The following SERPINA5 variants were observed in gnomAD, a reference collection of about 807,000 sequenced individuals.
SERPINA5 encodes serpin family A member 5, also known as plasma serine protease inhibitor.
Under a neutral mutation model 25.3 loss-of-function variants are expected in SERPINA5, and 25 were observed. The ratio of observed to expected loss-of-function variants is 0.99; its 90% CI spans 0.72 to 1.38. The LOEUF (loss-of-function observed/expected upper bound fraction) is 1.38. SERPINA5 is among the 40% of genes most tolerant of loss of function. The pLI is 0.00. For missense variants in SERPINA5, 599 were observed against 509.5 expected (o/e 1.18, Z -1.69); for synonymous variants, 234 against 206.2 (o/e 1.14, Z -1.16).
At chr14:94,590,410 C>T in intron 4 of SERPINA5, 99 bp downstream of exon 4, 2 of 1,420,820 alleles carry the variant, frequency 1.4e-6, no homozygotes, top group Middle Eastern at 2.6e-4. Flanking sequence ...GAAGGACTCA[C>T]CCAGCCAAGG....
chr14:94,590,144 G>A lies in SERPINA5; in HGVS notation c.723G>A (p.Gln241=), dbSNP rs374829634. ...TACCCATGATGAGCCGCGAGGATCA[G>A]TATCACTACCTCCTGGACCGGAACC... ...VRVPMMSRED[Q]YHYLLDRNLS... is the part of the protein sequence containing the mutation. Residue 241 remains glutamine, a synonymous_variant, in exon 4 of 6, where the codon CAG becomes CAA. Transcript: ENST00000329597. The A allele has an allele frequency of 1.2e-6, 2 of 1,614,076 alleles. No homozygotes were observed. The highest frequency in any genetic ancestry group is 3.3e-5 in the Admixed American group (2 of 60,006).
chr14:94,590,610 C>A (rs552463532), intron 4 of SERPINA5, 139 bp from the exon 5 acceptor site: 3 of 1,018,896 alleles, frequency 2.9e-6, no homozygotes, highest in East Asian at 2.6e-5. Flanking sequence ...GGAGCCATAA[C>A]CACCATTGTT....
Position 94,587,493 on chromosome 14 carries a change from G to A in SERPINA5, c.131G>A (p.Ser44Asn), listed in dbSNP as rs1188548898. Residue 44 changes from serine to asparagine, a missense_variant, in exon 3 of 6, where the codon AGC becomes AAC. Physicochemically the swap from Ser to Asn is conservative, Grantham distance 46. Transcript: ENST00000329597. ...LHVGATVAPS[S>N]RRDFTFDLYR... ...GTAGGTGCCACGGTGGCCCCCAGCA[G>A]CAGAAGGGACTTTACCTTTGACCTC... 1.9e-6 allele frequency: 3 copies of A among 1,614,016 alleles called. No homozygotes were observed. Among genetic ancestry groups the A allele is most frequent in the Non-Finnish European group, 2.5e-6 (3 of 1,179,996 alleles).
At chr14:94,583,746 G>A (rs991166097) in intron 2 of SERPINA5, among the ~76,000 whole-genome samples, 2 of 152,198 alleles carry the variant, frequency 1.3e-5, no homozygotes, top group African/African-American at 4.8e-5. Context: ...GAGATGACAG[G>A]TGAACATGAC....
rs1256239847 is a variant in SERPINA5 at position 94,587,542 on chromosome 14, C to T, written c.180C>T (p.Ala60=). 5.0e-6 allele frequency: 8 copies of T among 1,613,622 alleles called. No homozygotes were observed. The highest frequency in any genetic ancestry group is 6.8e-6 in the Non-Finnish European group (8 of 1,179,708). Residue 60 remains alanine (A), a synonymous_variant, in exon 3 of 6, where the codon GCC becomes GCT. Coordinates refer to ENST00000329597, the MANE Select transcript of SERPINA5 (RefSeq NM_000624.6). ...TCTACAGGGCCTTGGCTTCCGCTGC[C>T]CCCAGCCAGAGCATCTTCTTCTCCC... The part of the protein sequence containing the change: ...FDLYRALASA[A]PSQSIFFSPV...
intron 2 of SERPINA5, among the ~76,000 whole-genome samples, chr14:94,585,383 A>G (rs12887129): frequency 0.29 from 44,502 of 151,608 alleles, 6,769 homozygotes; most frequent in Non-Finnish European, 0.34. Flanking sequence ...GGAGCTCAGG[A>G]CACAATTTGG....
At chr14:94,584,795 G>A (rs1195827235) in intron 2 of SERPINA5, among the ~76,000 whole-genome samples, 1 of 152,198 alleles carries the variant, frequency 6.6e-6, no homozygotes, top group African/African-American at 2.4e-5. Flanking sequence ...GGGGGGTTGA[G>A]CCACATTGTT....
Position 94,587,380 on chromosome 14 carries a change from C to T in SERPINA5, c.18C>T (p.Leu6=), listed in dbSNP as rs1885125022. 6.2e-7 allele frequency: 1 copy of T among 1,610,596 alleles called. No individual in the cohort carries two copies. Among genetic ancestry groups the T allele is most frequent in the Non-Finnish European group, 8.5e-7 (1 of 1,178,680 alleles). The change falls in exon 3 of 6, where the codon CTC becomes CTT. Residue 6 remains leucine, a synonymous_variant. Coordinates refer to ENST00000329597, the MANE Select transcript of SERPINA5 (RefSeq NM_000624.6). MQLFL[L]LCLVLLSPQG... ...CAGCCACCATGCAGCTCTTCCTCCT[C>T]TTGTGCCTGGTGCTTCTCAGCCCTC... is the stretch of plus-strand genomic sequence containing the variant.
intron 2 of SERPINA5, among the ~76,000 whole-genome samples, chr14:94,585,239 G>A (rs544742819): frequency 6.6e-6 from 1 of 152,170 alleles, no homozygotes; most frequent in Non-Finnish European, 1.5e-5. Flanking sequence ...CTTTTTGGGT[G>A]GTGCAGGGCT....
At position 94,590,251 on chromosome 14, in the gene SERPINA5, A is replaced by G. The variant is rs370721154; in HGVS notation, c.830A>G (p.Gln277Arg). The stretch of plus-strand genomic sequence containing the variant: ...CTCCCCAGTGAGGGAAAGATGCAGC[A>G]GGTGGAGAATGGACTGAGTGAGAAA... ...FILPSEGKMQ[Q>R]VENGLSEKTL... Residue 277 changes from glutamine to arginine, a missense_variant, in exon 4 of 6, where the codon CAG (glutamine) becomes CGG (arginine). Gln to Arg is a conservative substitution (Grantham distance 43). Transcript: ENST00000329597. 2.2e-5 allele frequency: 35 copies of G among 1,613,458 alleles called. No homozygotes were observed. The highest frequency in any genetic ancestry group is 2.9e-5 in the Non-Finnish European group (34 of 1,179,594).
At position 94,587,540 on chromosome 14, in the gene SERPINA5, GC is replaced by G; in HGVS notation, c.183del (p.Ser62AlafsTer9). 1 of 1,613,714 alleles carries G rather than the reference GC, an allele frequency of 6.2e-7. No individual in the cohort carries two copies. Among genetic ancestry groups the G allele is most frequent in the Non-Finnish European group, 8.5e-7 (1 of 1,179,706 alleles). ...FDLYRALASA[A>X]PSQSIFFSPV... ...CCTCTACAGGGCCTTGGCTTCCGCT[GC>G]CCCCAGCCAGAGCATCTTCTTCTCC... On this transcript the variant is annotated frameshift_variant, in exon 3 of 6. Transcript: ENST00000329597. LOFTEE classifies it high-confidence loss of function.
chr14:94,588,532 A>T (rs1368854806), intron 3 of SERPINA5, among the ~76,000 whole-genome samples: 1 of 152,122 alleles, frequency 6.6e-6, no homozygotes, highest in Non-Finnish European at 1.5e-5. Context: ...TCGCCTCTGC[A>T]GCTCCTGCCA....
intron 3 of SERPINA5, among the ~76,000 whole-genome samples, chr14:94,588,688 C>T (rs1182944489): frequency 6.6e-6 from 1 of 152,140 alleles, no homozygotes; most frequent in Non-Finnish European, 1.5e-5. Flanking sequence ...ATTTGGGTGG[C>T]TATAACAAAA....
intron 3 of SERPINA5, 59 bp downstream of exon 3, chr14:94,588,040 A>C (rs1222916904): frequency 6.4e-7 from 1 of 1,556,222 alleles, no homozygotes; most frequent in East Asian, 2.2e-5. Context: ...TTTTATCTAA[A>C]GAATACCCAA....
intron 2 of SERPINA5, among the ~76,000 whole-genome samples, chr14:94,585,027 G>T (rs1566836444): frequency 6.6e-6 from 1 of 152,320 alleles, no homozygotes; most frequent in East Asian, 1.9e-4. Context: ...GCTATTGTTG[G>T]TGGCTACTAA....
rs766544145 is a variant in SERPINA5 at position 94,590,202 on chromosome 14, G to T, written c.781G>T (p.Gly261Cys). 6.2e-7 allele frequency: 1 copy of T among 1,614,114 alleles called. No homozygotes were observed. The highest frequency in any genetic ancestry group is 8.5e-7 in the Non-Finnish European group (1 of 1,179,986). Residue 261 changes from glycine to cysteine, a missense_variant, in exon 4 of 6, where the codon GGC becomes TGC. By Grantham distance (159) the Gly-to-Cys change is radical. Coordinates refer to ENST00000329597, the MANE Select transcript of SERPINA5 (RefSeq NM_000624.6). ...SCRVVGVPYQ[G>C]NATALFILPS... ...CAGGGTGGTGGGGGTCCCCTACCAA[G>T]GCAATGCCACGGCTTTGTTCATTCT...
At chr14:94,590,510 T>A in intron 4 of SERPINA5, 199 bp downstream of exon 4, 1 of 840,172 alleles carries the variant, frequency 1.2e-6, no homozygotes. Flanking sequence ...ACTGGGTTCC[T>A]TAGGGTGGTG....
chr14:94,582,891 G>A (rs10484047), intron 2 of SERPINA5, among the ~76,000 whole-genome samples: 27,035 of 152,162 alleles, frequency 0.18, 2,614 homozygotes, highest in African/African-American at 0.27. Flanking sequence ...GTGTGATAAG[G>A]TATTGCAAAG....
At chr14:94,591,678 A>G (rs1885306954) in intron 5 of SERPINA5, among the ~76,000 whole-genome samples, 1 of 151,570 alleles carries the variant, frequency 6.6e-6, no homozygotes, top group African/African-American at 2.4e-5. Flanking sequence ...CCTTCATGTA[A>G]TGGGAAGCCA....
Sources: gnomAD v4.1 joint callset for allele counts (sites outside exome capture counted in the v4.1 genomes callset) on GRCh38, gnomAD v4.1.1 for gene constraint, MANE v1.5 for transcripts, NCBI Gene and HGNC (gene_info 2026-07-23, HGNC 2026-07-21) for gene names.